Variants in KIF23 observed in about 807,000 individuals in gnomAD.
The protein encoded by KIF23 is kinesin-like protein KIF23.
A neutral mutation model predicts 137.5 loss-of-function variants in KIF23; 30 were observed. That is an observed-to-expected ratio of 0.22 (90% CI 0.16 to 0.30). The LOEUF is 0.30. Among genes scored for constraint, KIF23 ranks in the 10% least tolerant of loss-of-function variants. The probability of loss-of-function intolerance (pLI) is 1.00; values close to 1 mark genes in which losing one functional copy is unlikely to be tolerated. For synonymous variants in KIF23, 367 were observed against 391.1 expected (o/e 0.94, Z 0.73); for missense variants, 920 against 1,194.3 (o/e 0.77, Z 3.38).
At chr15:69,434,547 G>T in intron 11 of KIF23, 1 of 942,080 alleles carries the variant, frequency 1.1e-6, no homozygotes, top group Non-Finnish European at 1.7e-6. Flanking sequence ...TCTTTAACTG[G>T]TTCAACTCCC....
intron 11 of KIF23, among the ~76,000 whole-genome samples, chr15:69,432,334 T>C (rs952881035): frequency 2.6e-5 from 4 of 152,104 alleles, no homozygotes; most frequent in Admixed American, 2.0e-4. Context: ...GAGATAAAGA[T>C]TTACTGGAGC....
At chr15:69,443,991 G>A (rs949559701) in intron 19 of KIF23, 2 of 151,422 alleles carry the variant, frequency 1.3e-5, no homozygotes, top group African/African-American at 4.9e-5. Context: ...TTTTGTTTTT[G>A]TTGAGTCTGG....
intron 13 of KIF23, 89 bp downstream of exon 13, chr15:69,435,860 T>A (rs2057464744): frequency 2.0e-6 from 3 of 1,489,940 alleles, no homozygotes; most frequent in East Asian, 2.3e-5. Context: ...TTGAATATTT[T>A]AAAAATGGAT....
intron 3 of KIF23, among the ~76,000 whole-genome samples, chr15:69,420,765 G>A (rs2140321260): frequency 6.6e-6 from 1 of 152,042 alleles, no homozygotes; most frequent in African/African-American, 2.4e-5. Flanking sequence ...ACAGCTCACT[G>A]TTTTTTGGTG....
chr15:69,435,757 T>G lies in KIF23; in HGVS notation c.1300T>G (p.Tyr434Asp), dbSNP rs756224702. The change falls in exon 13 of 24, where the codon TAT (tyrosine) becomes GAT (aspartate). Residue 434 changes from tyrosine to aspartate, a missense_variant. Transcript: ENST00000679126. ...GTGTGTGAACCCCAAGGCTGAAGAT[T>G]ATGAAGAAAACTTGGTAATTTTAAT... ...IVCVNPKAEDYEENLQVMRFA... is the reference protein window; with the variant it reads ...IVCVNPKAEDDEENLQVMRFA... 5 of 1,613,780 alleles carry G rather than the reference T, an allele frequency of 3.1e-6. No individual in the cohort carries two copies. The highest frequency in any genetic ancestry group is 4.5e-5 in the East Asian group (2 of 44,890).
intron 19 of KIF23, among the ~76,000 whole-genome samples, chr15:69,443,328 T>G (rs1182655501): frequency 6.6e-5 from 1 of 15,174 alleles, no homozygotes; most frequent in South Asian, 1.4e-3. Context: ...TTTTTTGGGT[T>G]TTTTTTTTTT....
rs1431741748 is a variant in KIF23 at position 69,414,418 on chromosome 15, C to T, written c.-48C>T. 3.2e-6 allele frequency: 5 copies of T among 1,571,356 alleles called. No homozygotes were observed. The Admixed American group carries it at 9.3e-5, about 29-fold the overall frequency. Reference sequence around the variant, plus strand: ...GGTCCTAACGTCCCGCAGTCTTCGCCAGCCAGCCGTCCCGCATGCGCGTTT... The same window carrying T: ...GGTCCTAACGTCCCGCAGTCTTCGCTAGCCAGCCGTCCCGCATGCGCGTTT... On this transcript the variant is annotated 5_prime_UTR_variant, in exon 1 of 24. Coordinates refer to ENST00000679126, the MANE Select transcript of KIF23 (RefSeq NM_001367805.3).
At chr15:69,442,561 AT>A (rs1271844248) in intron 19 of KIF23, among the ~76,000 whole-genome samples, 2 of 152,192 alleles carry the variant, frequency 1.3e-5, no homozygotes, top group African/African-American at 4.8e-5. Context: ...ATCCCAAGTT[AT>A]TTACCAGGGA....
chr15:69,426,257 T>A (rs1567063361), intron 9 of KIF23, 75 bp downstream of exon 9: 2 of 1,541,530 alleles, frequency 1.3e-6, no homozygotes, highest in Non-Finnish European at 8.9e-7. Flanking sequence ...TTGATGGCAA[T>A]TTTTTTTGAC....
At chr15:69,426,010 T>G in intron 8 of KIF23, 60 bp from the exon 9 acceptor site, 1 of 947,794 alleles carries the variant, frequency 1.1e-6, no homozygotes, top group Non-Finnish European at 1.5e-6. Context: ...GTCCTAGTCT[T>G]AAATGAAGAT....
chr15:69,438,446 T>C, intron 16 of KIF23, 41 bp downstream of exon 16: 1 of 1,540,556 alleles, frequency 6.5e-7, no homozygotes, highest in Non-Finnish European at 8.8e-7. Context: ...TGTGCTGGTG[T>C]TTTAGCACTG....
chr15:69,422,026 A>T lies in KIF23; in HGVS notation c.351A>T (p.Gly117=). 1.2e-6 allele frequency: 2 copies of T among 1,614,110 alleles called. No homozygotes were observed. The highest frequency in any genetic ancestry group is 8.5e-7 in the Non-Finnish European group (1 of 1,179,992). ...LLFTYGVTGS[G]KTHTMTGSPG... Reference sequence around the variant, plus strand: ...TTACATATGGTGTGACGGGAAGTGGAAAAACTCACACAATGACTGGTTCTC... The same window carrying T: ...TTACATATGGTGTGACGGGAAGTGGTAAAACTCACACAATGACTGGTTCTC... Residue 117 remains glycine, a synonymous_variant, in exon 5 of 24, where the codon GGA becomes GGT. Coordinates refer to ENST00000679126, the MANE Select transcript of KIF23 (RefSeq NM_001367805.3).
chr15:69,414,573 G>A (rs2056840537), intron 1 of KIF23, 97 bp downstream of exon 1: 8 of 1,239,592 alleles, frequency 6.5e-6, no homozygotes, highest in South Asian at 3.6e-5. Flanking sequence ...GGCCGTACGC[G>A]GGCAGCGCGG....
chr15:69,422,458 A>C lies in KIF23; in HGVS notation c.563+23A>C, dbSNP rs543395399. On this transcript the variant is annotated intron_variant, in intron 6 of 23. Coordinates refer to ENST00000679126, the MANE Select transcript of KIF23 (RefSeq NM_001367805.3). ...CAAGTAAGTAATTATATTTGTCTGC[A>C]GCACTGGCCTAGGGGCACAGGATTC... is the stretch of plus-strand genomic sequence containing the variant. 300 of 1,331,600 alleles carry C rather than the reference A, an allele frequency of 2.3e-4. 1 individual carries two copies. Among genetic ancestry groups the C allele is most frequent in the South Asian group, 1.6e-3 (136 of 85,094 alleles). 82.5% of individuals were successfully genotyped at this position (1,331,600 alleles called of 1,614,324 possible).
intron 23 of KIF23, 54 bp downstream of exon 23, chr15:69,446,995 C>G: frequency 3.5e-6 from 5 of 1,413,616 alleles, no homozygotes; most frequent in African/African-American, 2.8e-5. Context: ...CTCCTCTGGT[C>G]TTTACATTAT....
At chr15:69,421,626 C>T (rs2057057967) in intron 3 of KIF23, 21 bp from the exon 4 acceptor site, 2 of 1,435,704 alleles carry the variant, frequency 1.4e-6, no homozygotes, top group Admixed American at 1.7e-5. Context: ...CTATTTAGTG[C>T]ATTTTTTTCT....
At chr15:69,416,150 A>G (rs1167199711) in intron 2 of KIF23, 87 bp downstream of exon 2, 16 of 805,520 alleles carry the variant, frequency 2.0e-5, no homozygotes, top group Non-Finnish European at 2.9e-5. Flanking sequence ...TTGGAAGGGA[A>G]AGAAGAAGAC....
At chr15:69,428,155 T>C (rs961246076) in intron 10 of KIF23, among the ~76,000 whole-genome samples, 8 of 151,942 alleles carry the variant, frequency 5.3e-5, no homozygotes, top group African/African-American at 1.9e-4. Context: ...TACTCGGGAC[T>C]GAGGCAGGAG....
In KIF23 at chr15:69,440,811, T is replaced by G; in HGVS notation, c.2153T>G (p.Leu718Arg). ...YIAQISNGQQLMSQPQLHRRS... is the reference protein window; with the variant it reads ...YIAQISNGQQRMSQPQLHRRS... ...GCTCAGATTTCCAACGGCCAGCAAC[T>G]CATGAGCCAGCCACAGCTACATAGG... is the stretch of plus-strand genomic sequence containing the variant. The change falls in exon 19 of 24, where the codon CTC becomes CGC. Residue 718 changes from leucine to arginine, a missense_variant. Around this residue, in one of 4 missense-constraint regions of KIF23, gnomAD observed 714 missense variants for 866.2 expected, o/e 0.82. Coordinates refer to ENST00000679126, the MANE Select transcript of KIF23 (RefSeq NM_001367805.3). 1 of 1,612,936 alleles carries G rather than the reference T, an allele frequency of 6.2e-7. No homozygotes were observed. The highest frequency in any genetic ancestry group is 1.1e-5 in the South Asian group (1 of 91,084).
Sources: gnomAD v4.1 joint callset for allele counts (sites outside exome capture counted in the v4.1 genomes callset) on GRCh38, gnomAD v4.1.1 for gene constraint, gnomAD v4.1.1 regional missense constraint, MANE v1.5 for transcripts, NCBI Gene and HGNC (gene_info 2026-07-23, HGNC 2026-07-21) for gene names.